SUPT3H: variants seen among roughly 807,000 people sequenced by gnomAD.
SUPT3H encodes transcription initiation protein SPT3 homolog.
Under a neutral mutation model 44.3 loss-of-function variants are expected in SUPT3H, and 44 were observed. The ratio of observed to expected loss-of-function variants is 0.99; its 90% CI spans 0.78 to 1.28. The LOEUF (loss-of-function observed/expected upper bound fraction) is 1.28. Among genes scored for constraint, SUPT3H ranks in the 50% most tolerant of loss-of-function variants. SUPT3H has a pLI of 0.00. For missense variants in SUPT3H, 380 were observed against 387.1 expected, an observed-to-expected ratio of 0.98 and a Z score of 0.15; for synonymous variants, 124 against 125.6, an observed-to-expected ratio of 0.99 and a Z score of 0.09.
intron 3 of SUPT3H, among the ~76,000 whole-genome samples, chr6:45,090,238 C>T (rs1450079870): frequency 6.6e-6 from 1 of 151,960 alleles, no homozygotes; most frequent in Non-Finnish European, 1.5e-5. Context: ...ATTATACTTA[C>T]TGAAAACAAA....
chr6:45,281,812 G>C (rs903718311), intron 2 of SUPT3H, among the ~76,000 whole-genome samples: 1 of 152,120 alleles, frequency 6.6e-6, no homozygotes, highest in African/African-American at 2.4e-5. Flanking sequence ...CCTGATACCC[G>C]AATAGCCTAA....
At chr6:45,194,770 G>A (rs369071251) in intron 2 of SUPT3H, among the ~76,000 whole-genome samples, 1 of 152,108 alleles carries the variant, frequency 6.6e-6, no homozygotes, top group East Asian at 1.9e-4. Flanking sequence ...TGAACCTGCT[G>A]TGATATTTTT....
intron 2 of SUPT3H, among the ~76,000 whole-genome samples, chr6:45,262,971 T>TA (rs1348927044): frequency 6.6e-6 from 1 of 152,068 alleles, no homozygotes; most frequent in Non-Finnish European, 1.5e-5. Flanking sequence ...TCGTTGTTAT[T>TA]AAAAAGTCAA....
intron 6 of SUPT3H, among the ~76,000 whole-genome samples, chr6:44,996,548 T>A (rs542676533): frequency 1.3e-5 from 2 of 151,892 alleles, no homozygotes; most frequent in Non-Finnish European, 3.0e-5. Flanking sequence ...TTTAATAGAG[T>A]CTATTTCCTC....
intron 2 of SUPT3H, among the ~76,000 whole-genome samples, chr6:45,271,706 G>A (rs925498496): frequency 3.5e-5 from 5 of 144,614 alleles, no homozygotes; most frequent in African/African-American, 1.4e-4. Context: ...TGGTGGAGCT[G>A]TGAGAAGAGG....
At chr6:45,019,363 A>C (rs1784783839) in intron 4 of SUPT3H, among the ~76,000 whole-genome samples, 1 of 151,378 alleles carries the variant, frequency 6.6e-6, no homozygotes, top group Non-Finnish European at 1.5e-5. Flanking sequence ...TTCTGCTCTG[A>C]TTTTAGTTAT....
intron 3 of SUPT3H, among the ~76,000 whole-genome samples, chr6:45,072,580 T>C (rs976364745): frequency 6.6e-6 from 1 of 152,180 alleles, no homozygotes; most frequent in Non-Finnish European, 1.5e-5. Flanking sequence ...TTTAAAGTTC[T>C]TTTAGATTCA....
chr6:45,000,508 T>C (rs1781875247), intron 6 of SUPT3H, among the ~76,000 whole-genome samples: 1 of 152,062 alleles, frequency 6.6e-6, no homozygotes, highest in Non-Finnish European at 1.5e-5. Flanking sequence ...TCTCCAGGCA[T>C]CATAACCATG....
chr6:44,919,629 GT>G (rs1411847230), intron 10 of SUPT3H, among the ~76,000 whole-genome samples: 1 of 151,914 alleles, frequency 6.6e-6, no homozygotes, highest in Non-Finnish European at 1.5e-5. Context: ...CTAATTGTCT[GT>G]TCTATGCATT....
chr6:45,203,018 A>C (rs904938441), intron 2 of SUPT3H, among the ~76,000 whole-genome samples: 1 of 152,170 alleles, frequency 6.6e-6, no homozygotes, highest in Non-Finnish European at 1.5e-5. Context: ...TATAAGGTAA[A>C]GATAACATAA....
In SUPT3H at chr6:45,017,626, T is replaced by C. The variant is rs966622338; in HGVS notation, c.274-2735A>G. 1.9e-3 allele frequency among the ~76,000 whole-genome samples: 282 copies of C among 151,538 alleles called. 3 individuals are homozygous for C. Among genetic ancestry groups the C allele is most frequent in the Admixed American group, 4.3e-3 (66 of 15,182 alleles). ...GAATCCTTTCCCCATTGCTTGTTTT[T>C]CTCAGGTTTGTCAAAGACCAGATAG... On this transcript the variant is annotated intron_variant, in intron 4 of 10. Coordinates refer to ENST00000371459, the MANE Select transcript of SUPT3H (RefSeq NM_003599.4).
At chr6:44,957,425 C>T (rs186162789) in intron 7 of SUPT3H, among the ~76,000 whole-genome samples, 5 of 152,146 alleles carry the variant, frequency 3.3e-5, no homozygotes, top group Admixed American at 3.3e-4. Context: ...GCTGCGATAG[C>T]TCACAAACAC....
At chr6:45,286,025 G>T (rs1434648408) in intron 2 of SUPT3H, among the ~76,000 whole-genome samples, 1 of 139,430 alleles carries the variant, frequency 7.2e-6, no homozygotes. Flanking sequence ...AATGGTGCTG[G>T]GAAAACTGGC....
intron 6 of SUPT3H, among the ~76,000 whole-genome samples, chr6:44,969,541 T>C (rs1040473807): frequency 9.2e-5 from 14 of 152,098 alleles, no homozygotes; most frequent in African/African-American, 3.4e-4. Context: ...TCAAAGCAGT[T>C]ACCCAAGAGG....
intron 2 of SUPT3H, among the ~76,000 whole-genome samples, chr6:45,297,827 T>C (rs1450234127): frequency 2.6e-5 from 4 of 152,170 alleles, no homozygotes; most frequent in African/African-American, 9.7e-5. Context: ...CAGTATGTAT[T>C]TACTGAATGA....
chr6:45,167,788 A>C (rs1810134867), intron 2 of SUPT3H, among the ~76,000 whole-genome samples: 1 of 151,968 alleles, frequency 6.6e-6, no homozygotes, highest in Admixed American at 6.6e-5. Context: ...CGATACTGGC[A>C]AAAGAAGTTC....
intron 2 of SUPT3H, among the ~76,000 whole-genome samples, chr6:45,191,817 C>A (rs1365514732): frequency 1.3e-5 from 2 of 151,992 alleles, no homozygotes; most frequent in Non-Finnish European, 2.9e-5. Context: ...ATGTCATCTC[C>A]CTAGCAAAAG....
intron 3 of SUPT3H, among the ~76,000 whole-genome samples, chr6:45,081,040 T>TAG (rs1207428526): frequency 1.3e-5 from 2 of 151,078 alleles, no homozygotes; most frequent in Non-Finnish European, 1.5e-5. Context: ...CCCATATATA[T>TAG]ATGTACATAT....
At chr6:45,080,528 A>G (rs768273738) in intron 3 of SUPT3H, among the ~76,000 whole-genome samples, 29 of 152,090 alleles carry the variant, frequency 1.9e-4, no homozygotes, top group Non-Finnish European at 3.2e-4. Context: ...TGGAAGCAAC[A>G]TAAGTGTCCA....
Sources: allele counts gnomAD v4.1 joint callset (sites outside exome capture counted in the v4.1 genomes callset), GRCh38; gene constraint gnomAD v4.1.1; transcripts MANE v1.5; gene names NCBI Gene and HGNC (gene_info 2026-07-23, HGNC 2026-07-21).